Variants in RBM25 observed in about 807,000 individuals in gnomAD.
RBM25 encodes the protein RNA-binding protein 25.
In RBM25, 19 loss-of-function variants were observed where a neutral mutation model predicts 120.7. That is an observed-to-expected ratio of 0.16 (90% CI 0.11 to 0.23). The LOEUF is 0.23. RBM25 is among the 10% of genes least tolerant of loss of function. RBM25 has a pLI of 1.00. For missense variants in RBM25, 605 were observed against 1,041.5 expected (o/e 0.58, Z 5.77); for synonymous variants, 390 against 326.7 (o/e 1.19, Z -2.09).
chr14:73,059,467 A>C (rs1894948052), intron 1 of RBM25: 1 of 152,218 alleles, frequency 6.6e-6, no homozygotes, highest in Non-Finnish European at 1.5e-5. Context: ...TTTCCGGAAT[A>C]GACGTAGGAC....
chr14:73,100,405 C>A, intron 9 of RBM25: 1 of 592,806 alleles, frequency 1.7e-6, no homozygotes. Context: ...ATGGATGCCC[C>A]CTCAGAAAAA....
chr14:73,068,251 A>G (rs1432948508), intron 1 of RBM25: 3 of 863,790 alleles, frequency 3.5e-6, no homozygotes, highest in Non-Finnish European at 2.0e-6. Context: ...TAATATTTTT[A>G]TAAACCATTT....
chr14:73,114,390 T>C, intron 18 of RBM25, 57 bp downstream of exon 18: 1 of 1,355,274 alleles, frequency 7.4e-7, no homozygotes, highest in Non-Finnish European at 1.0e-6. Flanking sequence ...TTTTTGGTTT[T>C]TTTTGTCTTA....
At chr14:73,099,855 T>C in intron 9 of RBM25, 105 bp downstream of exon 9, 1 of 1,382,042 alleles carries the variant, frequency 7.2e-7, no homozygotes, top group Non-Finnish European at 9.4e-7. Flanking sequence ...ATTTTAAATG[T>C]TTTTTATAGG....
chr14:73,106,113 C>A, intron 11 of RBM25, 32 bp downstream of exon 11: 1 of 1,595,396 alleles, frequency 6.3e-7, no homozygotes, highest in Non-Finnish European at 8.5e-7. Context: ...ATTCTTAAAT[C>A]TTGGTATCCC....
chr14:73,059,677 T>C (rs997300946), intron 1 of RBM25, among the ~76,000 whole-genome samples: 4 of 152,202 alleles, frequency 2.6e-5, no homozygotes, highest in Non-Finnish European at 5.9e-5. Flanking sequence ...CTTTGGAGCT[T>C]TTAATTTTTT....
intron 13 of RBM25, 125 bp downstream of exon 13, chr14:73,108,024 A>G (rs2140459719): frequency 4.3e-6 from 3 of 696,924 alleles, no homozygotes; most frequent in Non-Finnish European, 2.5e-6. Context: ...ATTCTGAGTA[A>G]TTATTAATTC....
At chr14:73,078,261 C>T in intron 4 of RBM25, among the ~76,000 whole-genome samples, 1 of 151,842 alleles carries the variant, frequency 6.6e-6, no homozygotes, top group East Asian at 1.9e-4. Flanking sequence ...TGAGGTCGCG[C>T]TACTGCACTC....
At chr14:73,077,047 C>T (rs1270861853) in intron 3 of RBM25, among the ~76,000 whole-genome samples, 1 of 152,208 alleles carries the variant, frequency 6.6e-6, no homozygotes, top group Non-Finnish European at 1.5e-5. Context: ...TGCCACTGCA[C>T]TCCAGCCTGG....
chr14:73,067,242 T>C (rs1895160816), intron 1 of RBM25, among the ~76,000 whole-genome samples: 1 of 151,748 alleles, frequency 6.6e-6, no homozygotes, highest in Admixed American at 6.6e-5. Context: ...GCTAATCAGA[T>C]ACATATAGTT....
At chr14:73,085,631 G>A (rs917782441) in intron 5 of RBM25, among the ~76,000 whole-genome samples, 2 of 151,696 alleles carry the variant, frequency 1.3e-5, no homozygotes, top group Non-Finnish European at 2.9e-5. Context: ...TTTTTTAATA[G>A]AGGCGGGATT....
chr14:73,097,108 T>C lies in RBM25; in HGVS notation c.729+8T>C, dbSNP rs760118870. 1.3e-6 allele frequency: 2 copies of C among 1,596,116 alleles called. No homozygotes were observed. Among genetic ancestry groups the C allele is most frequent in the Non-Finnish European group, 1.7e-6 (2 of 1,171,820 alleles). ...AAGGAAAAGAAGGAGGACGTATGTGTTCTGACAACAACATATCATTTCTAC... is the reference window on the plus strand; with the variant it reads ...AAGGAAAAGAAGGAGGACGTATGTGCTCTGACAACAACATATCATTTCTAC... On this transcript the variant is annotated splice_region_variant and intron_variant, in intron 7 of 18. Coordinates refer to ENST00000261973, the MANE Select transcript of RBM25 (RefSeq NM_021239.3).
rs543739116 is a variant in RBM25, at chr14:73,060,468, A to G, written c.-16+1763A>G. Among the ~76,000 whole-genome samples, 87 of 151,652 alleles carry G rather than the reference A, an allele frequency of 5.7e-4. 1 individual carries two copies. Among genetic ancestry groups the G allele is most frequent in the African/African-American group, 2.0e-3 (83 of 41,510 alleles). On this transcript the variant is annotated intron_variant, in intron 1 of 18. Transcript: ENST00000261973. ...TTAGCAGTTTACTTTTCTTATTTACACATGATTTAGTGAAAATTTACATTA... is the reference window on the plus strand; with the variant it reads ...TTAGCAGTTTACTTTTCTTATTTACGCATGATTTAGTGAAAATTTACATTA...
chr14:73,088,296 A>G (rs945909831), intron 6 of RBM25, 135 bp downstream of exon 6: 2 of 1,141,974 alleles, frequency 1.8e-6, no homozygotes, highest in Non-Finnish European at 2.6e-6. Context: ...GTAGGAGGGT[A>G]TTTTATAGTT....
chr14:73,086,840 G>A (rs1419920873), intron 5 of RBM25, among the ~76,000 whole-genome samples: 3 of 152,198 alleles, frequency 2.0e-5, no homozygotes, highest in African/African-American at 7.2e-5. Context: ...TAGTAGCTGG[G>A]ACTACAGGCA....
At chr14:73,061,428 A>G (rs1895003880) in intron 1 of RBM25, among the ~76,000 whole-genome samples, 1 of 151,356 alleles carries the variant, frequency 6.6e-6, no homozygotes, top group African/African-American at 2.4e-5. Flanking sequence ...TGCACAATTC[A>G]ATGATTTTTG....
chr14:73,084,503 G>T lies in RBM25; in HGVS notation c.382+952G>T, dbSNP rs1436750526. 2.0e-5 allele frequency among the ~76,000 whole-genome samples: 3 copies of T among 152,062 alleles called. 1 individual carries two copies. Among genetic ancestry groups the T allele is most frequent in the African/African-American group, 7.2e-5 (3 of 41,400 alleles). ...TATCCTCTGTGTTTTCTGTAAAGTG[G>T]TCAGTAGTTGTACTTGATGTGTGCT... On this transcript the variant is annotated intron_variant, in intron 5 of 18. Transcript: ENST00000261973.
In RBM25 at chr14:73,120,375, G is replaced by C. The variant is rs919078137; in HGVS notation, c.*570G>C. On this transcript the variant is annotated 3_prime_UTR_variant, in exon 19 of 19. Coordinates refer to ENST00000261973, the MANE Select transcript of RBM25 (RefSeq NM_021239.3). The stretch of plus-strand genomic sequence containing the variant: ...TAAAAGTCTTTCTTTTCCCTAATTT[G>C]CTTTGGTGGGGTCCTTAAAACATTT... 1 of 152,608 alleles carries C rather than the reference G, an allele frequency of 6.6e-6. No homozygotes were observed. Among genetic ancestry groups the C allele is most frequent in the African/African-American group, 2.4e-5 (1 of 41,392 alleles). The allele number at this position is 152,608 out of a possible 1,614,324, so 9.5% of individuals were successfully genotyped here.
intron 1 of RBM25, chr14:73,068,284 T>A: frequency 1.2e-6 from 1 of 843,714 alleles, no homozygotes; most frequent in Non-Finnish European, 2.0e-6. Flanking sequence ...ATTTGGTTTG[T>A]GGGTCACTCT....
Sources: allele counts gnomAD v4.1 joint callset (sites outside exome capture counted in the v4.1 genomes callset), GRCh38; gene constraint gnomAD v4.1.1; transcripts MANE v1.5; gene names NCBI Gene and HGNC (gene_info 2026-07-23, HGNC 2026-07-21).